Variants in PDE4D observed in about 807,000 individuals in gnomAD.
The protein encoded by PDE4D is phosphodiesterase 4D.
A neutral mutation model predicts 87.4 loss-of-function variants in PDE4D; 24 were observed. The ratio of observed to expected loss-of-function variants is 0.27; its 90% CI spans 0.20 to 0.39. PDE4D has a LOEUF of 0.39. Ranked by LOEUF, PDE4D falls within the 10% of genes least tolerant of loss-of-function variation. The pLI is 1.00. For missense variants in PDE4D, 714 were observed against 1,041.0 expected, an observed-to-expected ratio of 0.69 and a Z score of 4.32; for synonymous variants, 384 against 383.2, an observed-to-expected ratio of 1.00 and a Z score of -0.02.
chr5:59,585,834 T>C (rs1335336012), intron 1 of PDE4D, among the ~76,000 whole-genome samples: 1 of 152,216 alleles, frequency 6.6e-6, no homozygotes, highest in Non-Finnish European at 1.5e-5. Context: ...ATTTCTTGAA[T>C]AGCTAAAATA....
intron 2 of PDE4D, among the ~76,000 whole-genome samples, chr5:60,077,710 C>T (rs62370574): frequency 0.073 from 11,040 of 152,236 alleles, 520 homozygotes; most frequent in South Asian, 0.13. Flanking sequence ...TATAGGTGCT[C>T]CCACTCCAAA....
rs770212336 is a variant in PDE4D at position 59,762,044 on chromosome 5, T to C, written c.455+131124A>G. ...CCACCATCAAATATGCAGTCCACCA[T>C]TGACTGAAATGCTGTTACATGTGTG... is the stretch of plus-strand genomic sequence containing the variant. On this transcript the variant is annotated intron_variant, in intron 1 of 14. Transcript: ENST00000340635. Among the ~76,000 whole-genome samples, 7 of 152,002 alleles carry C rather than the reference T, an allele frequency of 4.6e-5. No individual in the cohort carries two copies. The East Asian group carries it at 1.2e-3, about 25-fold the overall frequency.
intron 1 of PDE4D, among the ~76,000 whole-genome samples, chr5:60,191,570 A>G (rs1169257065): frequency 6.6e-6 from 1 of 152,224 alleles, no homozygotes; most frequent in Non-Finnish European, 1.5e-5. Flanking sequence ...CTGTAAGCCA[A>G]TTAAACCTCT....
intron 1 of PDE4D, among the ~76,000 whole-genome samples, chr5:59,641,947 A>G (rs952335995): frequency 3.4e-4 from 52 of 152,328 alleles, no homozygotes; most frequent in African/African-American, 1.2e-3. Context: ...AAATAAATGA[A>G]CAATGGCAAC....
At chr5:60,222,336 A>G (rs895041785) in intron 1 of PDE4D, among the ~76,000 whole-genome samples, 12 of 152,080 alleles carry the variant, frequency 7.9e-5, no homozygotes, top group African/African-American at 2.9e-4. Flanking sequence ...CTTTCAGGGG[A>G]CTGGAGACCT....
In PDE4D at chr5:59,401,736, G is replaced by C. The variant is rs564387257; in HGVS notation, c.456-185768C>G. Among the ~76,000 whole-genome samples, 24 of 152,322 alleles carry C rather than the reference G, an allele frequency of 1.6e-4. 1 individual carries two copies. The highest frequency in any genetic ancestry group is 3.9e-4 in the Admixed American group (6 of 15,302). ...ATTGGTTTTCTCAATTAACAGAAAA[G>C]GGAGAGGGAACAGCTTAAAGCCTTG... is the stretch of plus-strand genomic sequence containing the variant. On this transcript the variant is annotated intron_variant, in intron 1 of 14. Coordinates refer to ENST00000340635, the MANE Select transcript of PDE4D (RefSeq NM_001104631.2).
chr5:59,696,062 C>T (rs1323525674), intron 1 of PDE4D, among the ~76,000 whole-genome samples: 1 of 152,128 alleles, frequency 6.6e-6, no homozygotes, highest in Non-Finnish European at 1.5e-5. Context: ...ATGATTTACA[C>T]ATATATAGGA....
chr5:59,998,074 G>A (rs1763675232), intron 2 of PDE4D, among the ~76,000 whole-genome samples: 1 of 152,174 alleles, frequency 6.6e-6, no homozygotes, highest in African/African-American at 2.4e-5. Context: ...ATGGCAATGT[G>A]TGTGCAGACC....
At chr5:59,305,989 T>A (rs1304695377) in intron 1 of PDE4D, among the ~76,000 whole-genome samples, 2 of 152,206 alleles carry the variant, frequency 1.3e-5, no homozygotes, top group Non-Finnish European at 2.9e-5. Flanking sequence ...AGTGAAGTAC[T>A]GAAGTCCCCC....
intron 1 of PDE4D, among the ~76,000 whole-genome samples, chr5:59,570,405 G>C (rs768294632): frequency 6.6e-6 from 1 of 152,028 alleles, no homozygotes; most frequent in Non-Finnish European, 1.5e-5. Flanking sequence ...GGACACATTC[G>C]GGTGCCAAAG....
intron 1 of PDE4D, among the ~76,000 whole-genome samples, chr5:60,413,442 T>C (rs953939319): frequency 8.5e-5 from 13 of 152,150 alleles, no homozygotes; most frequent in African/African-American, 2.4e-4. Flanking sequence ...TTTCATTTTC[T>C]GAAGATGAGA....
At position 58,975,336 on chromosome 5, in the gene PDE4D, T is replaced by A. The variant is rs532978699; in HGVS notation, c.2014-256A>T. ...ATAAAAAATTTTCCAGTTGTTGACA[T>A]GGTAGGGCTTATTTTACAATCACCA... On this transcript the variant is annotated intron_variant, in intron 14 of 14. Transcript: ENST00000340635. This position sits in a 1 kb window ranked among gnomAD's most constrained non-coding sequence, Gnocchi z 4.2. 8.5e-5 allele frequency among the ~76,000 whole-genome samples: 13 copies of A among 152,316 alleles called. No individual in the cohort carries two copies. The highest frequency in any genetic ancestry group is 8.5e-4 in the Admixed American group (13 of 15,292).
chr5:59,270,086 T>C (rs944971301), intron 1 of PDE4D, among the ~76,000 whole-genome samples: 19 of 152,150 alleles, frequency 1.2e-4, no homozygotes, highest in Admixed American at 1.2e-3. Flanking sequence ...TGTGTCTTTC[T>C]AGTTATGTTT....
At chr5:59,203,719 G>A (rs1053647028) in intron 2 of PDE4D, among the ~76,000 whole-genome samples, 1 of 152,092 alleles carries the variant, frequency 6.6e-6, no homozygotes, top group Admixed American at 6.6e-5. Context: ...AATACATTAT[G>A]CTTAGTGAAA....
intron 1 of PDE4D, among the ~76,000 whole-genome samples, chr5:59,391,877 T>C (rs1411829567): frequency 6.6e-6 from 1 of 151,104 alleles, no homozygotes; most frequent in Non-Finnish European, 1.5e-5. Flanking sequence ...CTAATACACT[T>C]TTCTTCATGG....
At chr5:60,332,347 C>T (rs1346865509) in intron 1 of PDE4D, among the ~76,000 whole-genome samples, 8 of 152,066 alleles carry the variant, frequency 5.3e-5, no homozygotes, top group Non-Finnish European at 8.8e-5. Context: ...TCTCTGTTTT[C>T]GGAGTCCCCA....
intron 1 of PDE4D, among the ~76,000 whole-genome samples, chr5:59,817,415 G>T (rs1489584530): frequency 1.3e-5 from 2 of 152,168 alleles, no homozygotes; most frequent in Non-Finnish European, 2.9e-5. Flanking sequence ...AATACCGGGA[G>T]GAGTGGGAAA....
At chr5:60,238,590 T>C (rs981209239) in intron 1 of PDE4D, among the ~76,000 whole-genome samples, 6 of 152,058 alleles carry the variant, frequency 3.9e-5, no homozygotes, top group Non-Finnish European at 7.4e-5. Context: ...TTTTTTAATT[T>C]GCATTTACTT....
At chr5:59,906,066 G>T (rs1752774776) in intron 3 of PDE4D, among the ~76,000 whole-genome samples, 1 of 152,154 alleles carries the variant, frequency 6.6e-6, no homozygotes, top group South Asian at 2.1e-4. Context: ...AGATGCTGCT[G>T]CAGTGGGCAC....
Sources: gnomAD v4.1 joint callset for allele counts (sites outside exome capture counted in the v4.1 genomes callset) on GRCh38, gnomAD v4.1.1 for gene constraint, Gnocchi (gnomAD v3.1) non-coding constraint, MANE v1.5 for transcripts, NCBI Gene and HGNC (gene_info 2026-07-23, HGNC 2026-07-21) for gene names.